Variants in CCDC171 observed in about 807,000 individuals in gnomAD.
CCDC171 encodes the protein coiled-coil domain containing 171, also known as coiled-coil domain-containing protein 171.
A neutral mutation model predicts 168.2 loss-of-function variants in CCDC171; 177 were observed. The ratio of observed to expected loss-of-function variants is 1.05; its 90% CI spans 0.93 to 1.19. CCDC171 has a LOEUF of 1.19. CCDC171 is among the 50% of genes most tolerant of loss of function. The pLI is 0.00. For missense variants in CCDC171, 1,991 were observed against 1,539.0 expected (o/e 1.29, Z -4.91); for synonymous variants, 687 against 540.8 (o/e 1.27, Z -3.75).
At chr9:15,909,165 G>C (rs1327537848) in intron 24 of CCDC171, among the ~76,000 whole-genome samples, 3 of 152,086 alleles carry the variant, frequency 2.0e-5, no homozygotes, top group African/African-American at 4.8e-5. Flanking sequence ...AAATGTTTTA[G>C]GGCTATTAAT....
chr9:15,829,887 T>C (rs1367133931), intron 21 of CCDC171, among the ~76,000 whole-genome samples: 1 of 152,144 alleles, frequency 6.6e-6, no homozygotes. Flanking sequence ...GCCACTGCAC[T>C]CCAGCCTGGA....
intron 6 of CCDC171, among the ~76,000 whole-genome samples, chr9:15,613,812 C>T (rs530526611): frequency 2.8e-4 from 43 of 152,176 alleles, no homozygotes; most frequent in African/African-American, 9.6e-4. Flanking sequence ...CGTGAACCAC[C>T]GTGCCTGGAC....
At chr9:15,988,110 G>GA (rs1490189954) in intron 3 of CCDC171, among the ~76,000 whole-genome samples, 2 of 152,206 alleles carry the variant, frequency 1.3e-5, no homozygotes. Context: ...TTAATACAGT[G>GA]AAAAAAATTG....
At chr9:15,887,938 C>T (rs1819652129) in intron 24 of CCDC171, 1 of 152,152 alleles carries the variant, frequency 6.6e-6, no homozygotes, top group Admixed American at 6.6e-5. Context: ...TCTTTGAGCC[C>T]CAGTGGTCAG....
At chr9:16,016,819 C>A (rs371360446) in intron 3 of CCDC171, among the ~76,000 whole-genome samples, 134 of 152,334 alleles carry the variant, frequency 8.8e-4, no homozygotes, top group African/African-American at 3.0e-3. Flanking sequence ...ATTACAAGGA[C>A]ATTTAGCAAA....
intron 6 of CCDC171, among the ~76,000 whole-genome samples, chr9:16,027,998 A>G (rs1385832790): frequency 6.6e-6 from 1 of 152,108 alleles, no homozygotes; most frequent in African/African-American, 2.4e-5. Context: ...GTAATGGTAT[A>G]CTTAGCTTAT....
chr9:15,961,913 T>C (rs1036521150), intron 25 of CCDC171, among the ~76,000 whole-genome samples: 5 of 152,230 alleles, frequency 3.3e-5, no homozygotes, highest in Non-Finnish European at 5.9e-5. Context: ...TACCGTTTTT[T>C]CATGACGTAG....
chr9:16,103,993 G>A, the CCDC171 span, among the ~76,000 whole-genome samples: 2 of 152,170 alleles, frequency 1.3e-5, no homozygotes, highest in Middle Eastern at 3.2e-3. Flanking sequence ...GCCGGCTGGT[G>A]GGTCTCCTAA....
Position 15,779,114 on chromosome 9 carries a change from G to A in CCDC171, c.3045G>A (p.Gln1015=). The part of the protein sequence containing the change: ...NEMKKELDKA[Q]GLQMQLNEFK... ...TGAAAAAGGAGCTTGACAAAGCCCA[G>A]GGTCTGCAAATGCAATTAAATGAAT... Residue 1015 remains glutamine (Q), a synonymous_variant, in exon 20 of 26, where the codon CAG becomes CAA. Transcript: ENST00000380701. 1.3e-6 allele frequency: 2 copies of A among 1,590,432 alleles called. No individual in the cohort carries two copies. The highest frequency in any genetic ancestry group is 1.7e-6 in the Non-Finnish European group (2 of 1,171,070).
chr9:16,091,942 A>G, the CCDC171 span, among the ~76,000 whole-genome samples: 1 of 152,224 alleles, frequency 6.6e-6, no homozygotes, highest in Non-Finnish European at 1.5e-5. Flanking sequence ...AGAGGGAACA[A>G]GGTTTTAAAT....
chr9:15,655,328 T>C (rs2047845889), intron 7 of CCDC171, among the ~76,000 whole-genome samples: 1 of 152,198 alleles, frequency 6.6e-6, no homozygotes, highest in South Asian at 2.1e-4. Context: ...CAGATAGGAC[T>C]CTAGGCATGG....
chr9:15,825,687 A>G (rs1294817022), intron 21 of CCDC171, among the ~76,000 whole-genome samples: 1 of 152,108 alleles, frequency 6.6e-6, no homozygotes, highest in Non-Finnish European at 1.5e-5. Flanking sequence ...TCTCTCTAGG[A>G]GAGATTTTTT....
the CCDC171 span, among the ~76,000 whole-genome samples, chr9:16,108,362 A>C: frequency 6.6e-6 from 1 of 152,210 alleles, no homozygotes; most frequent in African/African-American, 2.4e-5. Flanking sequence ...ACCACTTAAC[A>C]TGTAAATATT....
chr9:15,588,864 C>A (rs535426246), intron 4 of CCDC171, among the ~76,000 whole-genome samples: 4 of 151,862 alleles, frequency 2.6e-5, no homozygotes, highest in Admixed American at 1.3e-4. Flanking sequence ...CCCGCCACCA[C>A]GCCCGGCTAA....
At chr9:15,799,217 G>T (rs1287149467) in intron 21 of CCDC171, among the ~76,000 whole-genome samples, 5 of 139,856 alleles carry the variant, frequency 3.6e-5, no homozygotes. Context: ...CATCTAATGT[G>T]ATTTTCCTTC....
At chr9:15,853,535 T>G (rs1044653494) in intron 23 of CCDC171, among the ~76,000 whole-genome samples, 3 of 151,606 alleles carry the variant, frequency 2.0e-5, no homozygotes, top group Non-Finnish European at 4.4e-5. Flanking sequence ...AAGATTATGT[T>G]ATCTATGAGT....
intron 21 of CCDC171, among the ~76,000 whole-genome samples, chr9:15,838,580 G>GT (rs2060547027): frequency 6.6e-6 from 1 of 152,138 alleles, no homozygotes; most frequent in African/African-American, 2.4e-5. Context: ...GCAAATTCCA[G>GT]TTTAAAGAAG....
At chr9:15,730,929 T>A (rs979123449) in intron 16 of CCDC171, among the ~76,000 whole-genome samples, 1 of 152,022 alleles carries the variant, frequency 6.6e-6, no homozygotes, top group South Asian at 2.1e-4. Context: ...TTGATGTTTT[T>A]AAAAAGTATT....
chr9:15,688,632 AT>A (rs944175759), intron 10 of CCDC171, among the ~76,000 whole-genome samples: 1 of 152,220 alleles, frequency 6.6e-6, no homozygotes, highest in Non-Finnish European at 1.5e-5. Flanking sequence ...ACAGAAAAAC[AT>A]TTGATAAAAT....
Sources: allele counts gnomAD v4.1 joint callset (sites outside exome capture counted in the v4.1 genomes callset), GRCh38; gene constraint gnomAD v4.1.1; transcripts MANE v1.5; gene names NCBI Gene and HGNC (gene_info 2026-07-23, HGNC 2026-07-21).